The following LRP6 variants were observed in gnomAD, a reference collection of about 807,000 sequenced individuals.
LRP6 encodes low-density lipoprotein receptor-related protein 6.
In LRP6, 43 loss-of-function variants were observed where a neutral mutation model predicts 184.1. The ratio of observed to expected loss-of-function variants is 0.23; its 90% confidence interval spans 0.18 to 0.30. LRP6 has a LOEUF of 0.30. Among genes scored for constraint, LRP6 ranks in the 10% least tolerant of loss-of-function variants. LRP6 has a pLI of 1.00. For missense variants in LRP6, 1,571 were observed against 2,005.3 expected, an observed-to-expected ratio of 0.78 and a Z score of 4.14; for synonymous variants, 719 against 684.9, an observed-to-expected ratio of 1.05 and a Z score of -0.78.
Position 12,150,928 on chromosome 12 carries a change from G to A in LRP6, c.2902C>T (p.Arg968Trp), listed in dbSNP as rs766648685. ...TCCAGTGGGTCATAGTCAATGGCCC[G>A]GACATTCCGAAGGCTGTGGATGGGA... ...ILPIHSLRNV[R>W]AIDYDPLDKQ... Residue 968 changes from arginine (R) to tryptophan (W), a missense_variant, in exon 13 of 23, where the codon CGG becomes TGG. Coordinates refer to ENST00000261349, the MANE Select transcript of LRP6 (RefSeq NM_002336.3). 7 of 1,614,110 alleles carry A rather than the reference G, an allele frequency of 4.3e-6. No individual in the cohort carries two copies. The highest frequency in any genetic ancestry group is 2.2e-5 in the East Asian group (1 of 44,878).
chr12:12,219,294 A>G (rs187337474), intron 2 of LRP6, among the ~76,000 whole-genome samples: 309 of 152,056 alleles, frequency 2.0e-3, no homozygotes, highest in Non-Finnish European at 3.7e-3. Flanking sequence ...AACCTCCACC[A>G]CCCGGGGTTC....
At chr12:12,171,535 AT>A (rs1863044622) in intron 7 of LRP6, among the ~76,000 whole-genome samples, 1 of 3,382 alleles carries the variant, frequency 3.0e-4, no homozygotes, top group Non-Finnish European at 4.8e-4. Flanking sequence ...AAAAAATAAA[AT>A]AAATAAATAA....
chr12:12,167,425 C>T (rs200246962), intron 7 of LRP6, among the ~76,000 whole-genome samples: 1 of 152,066 alleles, frequency 6.6e-6, no homozygotes, highest in African/African-American at 2.4e-5. Flanking sequence ...GGGTGGGTCA[C>T]GAGGTCAAGA....
At chr12:12,145,762 G>A (rs1281692327) in intron 15 of LRP6, among the ~76,000 whole-genome samples, 1 of 151,218 alleles carries the variant, frequency 6.6e-6, no homozygotes, top group Non-Finnish European at 1.5e-5. Flanking sequence ...CTGCCGAGTA[G>A]CTGAGATTAC....
At chr12:12,125,857 A>T (rs901300103) in intron 20 of LRP6, among the ~76,000 whole-genome samples, 2 of 152,244 alleles carry the variant, frequency 1.3e-5, no homozygotes, top group African/African-American at 4.8e-5. Context: ...TTTTTCATCT[A>T]ATGAATATAA....
intron 13 of LRP6, among the ~76,000 whole-genome samples, chr12:12,150,298 G>A (rs976412004): frequency 6.6e-6 from 1 of 152,000 alleles, no homozygotes; most frequent in Admixed American, 6.6e-5. Flanking sequence ...AAACCCACTG[G>A]ATTAATAACA....
At chr12:12,141,577 G>A (rs1328142235) in intron 15 of LRP6, among the ~76,000 whole-genome samples, 1 of 152,086 alleles carries the variant, frequency 6.6e-6, no homozygotes, top group African/African-American at 2.4e-5. Context: ...TGGAGTCCAG[G>A]AAATAGCAGG....
intron 2 of LRP6, among the ~76,000 whole-genome samples, chr12:12,225,970 A>G: frequency 6.6e-6 from 1 of 152,126 alleles, no homozygotes; most frequent in East Asian, 1.9e-4. Flanking sequence ...GTCTGCCCTC[A>G]AGAAAATCCA....
intron 1 of LRP6, among the ~76,000 whole-genome samples, chr12:12,260,250 G>C (rs1181699985): frequency 6.6e-6 from 1 of 151,878 alleles, no homozygotes; most frequent in Non-Finnish European, 1.5e-5. Flanking sequence ...GTGTTGGCGG[G>C]GCCTGCAGTC....
At position 12,120,434 on chromosome 12, in the gene LRP6, A is replaced by G. The variant is rs774975197; in HGVS notation, c.*692T>C. The G allele has an allele frequency of 2.0e-5, 3 of 152,146 alleles. No homozygotes were observed. The highest frequency in any genetic ancestry group is 2.9e-5 in the Non-Finnish European group (2 of 68,034). The allele number at this position is 152,146 out of a possible 1,614,324, so 9.4% of individuals were successfully genotyped here. A position where few individuals can be genotyped will look rare whatever the true frequency, so the allele number is the denominator to read the frequency against. On this transcript the variant is annotated 3_prime_UTR_variant, in exon 23 of 23. Coordinates refer to ENST00000261349, the MANE Select transcript of LRP6 (RefSeq NM_002336.3). The stretch of plus-strand genomic sequence containing the variant: ...GAAAAAAATTCATTTTGACAGAGGT[A>G]TGGATTCTAAAGGTAGGGACAGAGA...
chr12:12,116,739 G>T lies in LRP6; in HGVS notation c.*4387C>A, dbSNP rs1949524007. On this transcript the variant is annotated 3_prime_UTR_variant, in exon 23 of 23. Transcript: ENST00000261349. ...TTTAGTTTGTAATTCTATCTGTAAA[G>T]TCATGGAGATTTTTTTCAGCAATAA... 6.6e-6 allele frequency: 1 copy of T among 152,100 alleles called. No homozygotes were observed. The highest frequency in any genetic ancestry group is 2.4e-5 in the African/African-American group (1 of 41,426). 9.4% of individuals were successfully genotyped at this position (152,100 alleles called of 1,614,324 possible). A position where few individuals can be genotyped will look rare whatever the true frequency, so the allele number is the denominator to read the frequency against.
At chr12:12,159,732 T>C in intron 11 of LRP6, 48 bp downstream of exon 11, 3 of 1,570,276 alleles carry the variant, frequency 1.9e-6, no homozygotes, top group Non-Finnish European at 2.6e-6. Flanking sequence ...GCCACTGATA[T>C]TTGCATGGAA....
At chr12:12,171,639 A>C (rs1863049053) in intron 7 of LRP6, among the ~76,000 whole-genome samples, 2 of 152,242 alleles carry the variant, frequency 1.3e-5, no homozygotes. Context: ...AGATTAAGGG[A>C]TCACCAGCTT....
intron 7 of LRP6, among the ~76,000 whole-genome samples, chr12:12,170,978 G>C (rs926599250): frequency 1.3e-5 from 2 of 152,068 alleles, no homozygotes; most frequent in African/African-American, 4.8e-5. Flanking sequence ...GAAGTATTAA[G>C]ACCATAGATA....
chr12:12,233,622 G>T (rs564771059), intron 2 of LRP6, among the ~76,000 whole-genome samples: 2 of 152,282 alleles, frequency 1.3e-5, no homozygotes, highest in East Asian at 3.9e-4. Flanking sequence ...CATACAACTT[G>T]TAAACCAAAT....
intron 3 of LRP6, among the ~76,000 whole-genome samples, chr12:12,195,872 T>C (rs557415588): frequency 2.0e-5 from 3 of 152,202 alleles, no homozygotes; most frequent in Admixed American, 2.0e-4. Flanking sequence ...TTGTATAAGG[T>C]GAGAGGTGGG....
At chr12:12,232,414 T>C (rs932910282) in intron 2 of LRP6, among the ~76,000 whole-genome samples, 1 of 151,394 alleles carries the variant, frequency 6.6e-6, no homozygotes, top group Non-Finnish European at 1.5e-5. Context: ...AAGTGGTCAC[T>C]GGAAACACTT....
At chr12:12,237,081 T>C (rs1218251035) in intron 2 of LRP6, among the ~76,000 whole-genome samples, 1 of 152,130 alleles carries the variant, frequency 6.6e-6, no homozygotes, top group African/African-American at 2.4e-5. Flanking sequence ...AAGAGTTGCC[T>C]CATTAGAACA....
chr12:12,238,104 A>G (rs1301603517), intron 2 of LRP6, among the ~76,000 whole-genome samples: 1 of 152,170 alleles, frequency 6.6e-6, no homozygotes, highest in African/African-American at 2.4e-5. Flanking sequence ...AAGGGGGCAC[A>G]AGGAACTTCT....
Sources: gnomAD v4.1 joint callset for allele counts (sites outside exome capture counted in the v4.1 genomes callset) on GRCh38, gnomAD v4.1.1 for gene constraint, MANE v1.5 for transcripts, NCBI Gene and HGNC (gene_info 2026-07-23, HGNC 2026-07-21) for gene names.